Variants in KANK1 observed in about 807,000 individuals in gnomAD.
The protein encoded by KANK1 is KN motif and ankyrin repeat domains 1.
A neutral mutation model predicts 106.2 loss-of-function variants in KANK1; 109 were observed. That is an observed-to-expected ratio of 1.03 (90% confidence interval 0.88 to 1.20). The LOEUF (loss-of-function observed/expected upper bound fraction) is 1.20. Ranked by LOEUF, KANK1 falls within the 50% of genes most tolerant of loss-of-function variation. KANK1 has a pLI of 0.00. For missense variants in KANK1, 2,399 were observed against 1,710.7 expected (o/e 1.40, Z -7.10); for synonymous variants, 873 against 652.2 (o/e 1.34, Z -5.16).
At chr9:633,316 G>A (rs75444125) in intron 1 of KANK1, among the ~76,000 whole-genome samples, 22,569 of 151,836 alleles carry the variant, frequency 0.15, 1,831 homozygotes, top group Admixed American at 0.17. Context: ...AAATTAGCCG[G>A]GCGTGGTGGC....
chr9:555,354 T>C (rs1337948103), intron 1 of KANK1, among the ~76,000 whole-genome samples: 1 of 151,842 alleles, frequency 6.6e-6, no homozygotes, highest in Non-Finnish European at 1.5e-5. Context: ...ATGTACATGA[T>C]GGCACGTGAC....
intron 1 of KANK1, among the ~76,000 whole-genome samples, chr9:582,698 C>G (rs1054476394): frequency 1.3e-5 from 2 of 152,178 alleles, no homozygotes; most frequent in African/African-American, 4.8e-5. Context: ...AGCTTGCACA[C>G]AACTTTAATA....
At chr9:606,732 A>G (rs994033775) in intron 1 of KANK1, among the ~76,000 whole-genome samples, 3 of 151,520 alleles carry the variant, frequency 2.0e-5, no homozygotes, top group African/African-American at 7.3e-5. Context: ...AAAGCTTTTT[A>G]AAAAGTAGAA....
chr9:470,382 G>C (rs1587159819), intron 1 of KANK1: 1 of 152,672 alleles, frequency 6.5e-6, no homozygotes, highest in Non-Finnish European at 1.5e-5. Flanking sequence ...AGGGTGCGTG[G>C]CCTGAGGGAC....
chr9:509,048 T>C (rs906974805), intron 1 of KANK1, among the ~76,000 whole-genome samples: 1 of 152,190 alleles, frequency 6.6e-6, no homozygotes, highest in South Asian at 2.1e-4. Flanking sequence ...CCTTTTTAAA[T>C]TGGAAGAGCA....
chr9:669,336 A>G (rs996542352), intron 1 of KANK1, among the ~76,000 whole-genome samples: 1 of 152,104 alleles, frequency 6.6e-6, no homozygotes, highest in Non-Finnish European at 1.5e-5. Context: ...TTCTTTTTGC[A>G]CATTAATGTT....
chr9:723,910 T>C (rs1830007125), intron 3 of KANK1, among the ~76,000 whole-genome samples: 1 of 141,496 alleles, frequency 7.1e-6, no homozygotes, highest in Non-Finnish European at 1.5e-5. Flanking sequence ...CTGGGCAACA[T>C]AGTGAAACCC....
At chr9:621,798 C>T (rs1245751227) in intron 1 of KANK1, among the ~76,000 whole-genome samples, 1 of 152,036 alleles carries the variant, frequency 6.6e-6, no homozygotes, top group African/African-American at 2.4e-5. Flanking sequence ...TGAATCCCCA[C>T]ATTACCCATC....
At chr9:558,556 T>C (rs1473515172) in intron 1 of KANK1, among the ~76,000 whole-genome samples, 2 of 152,326 alleles carry the variant, frequency 1.3e-5, no homozygotes, top group African/African-American at 2.4e-5. Flanking sequence ...CATGCCTAAA[T>C]GAAGCTTAGC....
chr9:695,418 C>T (rs563557700), intron 2 of KANK1, among the ~76,000 whole-genome samples: 4 of 152,068 alleles, frequency 2.6e-5, no homozygotes, highest in African/African-American at 4.8e-5. Flanking sequence ...TGGACTGGGA[C>T]TCCCCCTTAT....
chr9:577,274 CCCATTTTACAGAGAGCTGATTGAT>C (rs1820822323), intron 1 of KANK1, among the ~76,000 whole-genome samples: 1 of 152,106 alleles, frequency 6.6e-6, no homozygotes, highest in African/African-American at 2.4e-5. Flanking sequence ...TGCTGATTGG[CCCATTTTACAGAGAGCTGATTGAT>C]CCATTTTACA....
chr9:604,193 C>G (rs1398666787), intron 1 of KANK1, among the ~76,000 whole-genome samples: 2 of 151,574 alleles, frequency 1.3e-5, no homozygotes, highest in African/African-American at 2.4e-5. Context: ...TTGTCTCTTT[C>G]CTGGAGACGT....
At chr9:691,904 A>G (rs1042069885) in intron 2 of KANK1, among the ~76,000 whole-genome samples, 3 of 151,676 alleles carry the variant, frequency 2.0e-5, no homozygotes, top group Non-Finnish European at 1.5e-5. Context: ...CGCATGAGCC[A>G]CCATGCCCCC....
chr9:623,420 T>C (rs954671561), intron 1 of KANK1, among the ~76,000 whole-genome samples: 1 of 151,776 alleles, frequency 6.6e-6, no homozygotes, highest in Non-Finnish European at 1.5e-5. Flanking sequence ...TGAACCCCTG[T>C]CTCTACAAGA....
chr9:664,227 C>A (rs957732070), intron 1 of KANK1, among the ~76,000 whole-genome samples: 1 of 152,064 alleles, frequency 6.6e-6, no homozygotes, highest in Non-Finnish European at 1.5e-5. Context: ...TCCCCATCCC[C>A]ACTACCCTTC....
intron 2 of KANK1, among the ~76,000 whole-genome samples, chr9:682,214 A>C (rs1008313286): frequency 5.9e-5 from 9 of 151,970 alleles, no homozygotes; most frequent in African/African-American, 2.2e-4. Context: ...CGGGAGACGA[A>C]GGTTGCAGTG....
At chr9:563,255 G>C (rs1367548100) in intron 1 of KANK1, among the ~76,000 whole-genome samples, 2 of 151,664 alleles carry the variant, frequency 1.3e-5, no homozygotes, top group African/African-American at 4.9e-5. Flanking sequence ...CCTCCCCAGA[G>C]TCTCTGTTGC....
intron 3 of KANK1, among the ~76,000 whole-genome samples, chr9:722,879 A>C (rs1829725409): frequency 6.6e-6 from 1 of 152,210 alleles, no homozygotes; most frequent in Admixed American, 6.5e-5. Flanking sequence ...GGAGGAACTC[A>C]AGATGCTGAC....
chr9:580,718 C>A (rs1166028570), intron 1 of KANK1, among the ~76,000 whole-genome samples: 1 of 152,252 alleles, frequency 6.6e-6, no homozygotes, highest in East Asian at 1.9e-4. Context: ...CCTAGTGGAT[C>A]CCGCACTGGG....
Sources: allele counts gnomAD v4.1 joint callset (sites outside exome capture counted in the v4.1 genomes callset), GRCh38; gene constraint gnomAD v4.1.1; transcripts MANE v1.5; gene names NCBI Gene and HGNC (gene_info 2026-07-23, HGNC 2026-07-21).